The following ARHGAP42 variants were observed in gnomAD, a reference collection of about 807,000 sequenced individuals.
ARHGAP42 encodes Rho GTPase activating protein 42, also known as rho GTPase-activating protein 42.
A neutral mutation model predicts 125.0 loss-of-function variants in ARHGAP42; 63 were observed. The ratio of observed to expected loss-of-function variants is 0.50; its 90% CI spans 0.41 to 0.62. ARHGAP42 has a LOEUF of 0.62. Among genes scored for constraint, ARHGAP42 ranks in the 20% least tolerant of loss-of-function variants. ARHGAP42 has a pLI of 0.00. For missense variants in ARHGAP42, 766 were observed against 1,024.2 expected (o/e 0.75, Z 3.44); for synonymous variants, 339 against 351.0 (o/e 0.97, Z 0.38).
intron 4 of ARHGAP42, among the ~76,000 whole-genome samples, chr11:100,875,571 C>T (rs978152344): frequency 2.0e-5 from 3 of 152,080 alleles, no homozygotes; most frequent in Non-Finnish European, 2.9e-5. Flanking sequence ...CACTCTCGGC[C>T]GAGACGGGAA....
chr11:100,929,522 C>T (rs1867518418), intron 6 of ARHGAP42, among the ~76,000 whole-genome samples: 1 of 152,190 alleles, frequency 6.6e-6, no homozygotes, highest in Non-Finnish European at 1.5e-5. Context: ...CTTGACACTC[C>T]CACCAGTGAT....
chr11:100,789,792 T>TAGC (rs1371941437), intron 2 of ARHGAP42, among the ~76,000 whole-genome samples: 1 of 152,210 alleles, frequency 6.6e-6, no homozygotes, highest in African/African-American at 2.4e-5. Flanking sequence ...TAAAGTGATA[T>TAGC]AGCATGCTGT....
intron 3 of ARHGAP42, among the ~76,000 whole-genome samples, chr11:100,807,361 A>G (rs1591197052): frequency 6.6e-6 from 1 of 151,792 alleles, no homozygotes; most frequent in East Asian, 1.9e-4. Flanking sequence ...ATGTCTGGCC[A>G]ATTTTTGTAT....
At chr11:100,797,660 C>T (rs1863750682) in intron 3 of ARHGAP42, among the ~76,000 whole-genome samples, 2 of 152,008 alleles carry the variant, frequency 1.3e-5, no homozygotes, top group Admixed American at 1.3e-4. Flanking sequence ...TATACCTGGT[C>T]ACCCAAGAGC....
chr11:100,853,821 G>T lies in ARHGAP42; in HGVS notation c.313-5733G>T, dbSNP rs1297756923. The stretch of plus-strand genomic sequence containing the variant: ...GCTTGCCATTTTACCCCTATTAACT[G>T]CTCTTCTACAGTTAATAAGCTTTGA... On this transcript the variant is annotated intron_variant, in intron 3 of 23. Transcript: ENST00000298815. 1.3e-4 allele frequency among the ~76,000 whole-genome samples: 20 copies of T among 151,714 alleles called. 1 individual carries two copies.
At chr11:100,948,295 A>G (rs564797695) in intron 10 of ARHGAP42, among the ~76,000 whole-genome samples, 162 bp from the exon 11 acceptor site, 131 of 152,064 alleles carry the variant, frequency 8.6e-4, no homozygotes, top group African/African-American at 3.0e-3. Context: ...AAAGTATTAT[A>G]CTTCAGTCTT....
chr11:100,877,862 A>G (rs1218388545), intron 4 of ARHGAP42, among the ~76,000 whole-genome samples: 1 of 151,866 alleles, frequency 6.6e-6, no homozygotes, highest in African/African-American at 2.4e-5. Context: ...AAAATTAGCC[A>G]GACGTGGTGG....
chr11:100,854,742 G>A (rs1341557450), intron 3 of ARHGAP42, among the ~76,000 whole-genome samples: 2 of 152,044 alleles, frequency 1.3e-5, no homozygotes, highest in Non-Finnish European at 2.9e-5. Context: ...TGAACCCCAG[G>A]CTAGCACCCC....
At chr11:100,838,977 T>C (rs1864880041) in intron 3 of ARHGAP42, among the ~76,000 whole-genome samples, 1 of 152,196 alleles carries the variant, frequency 6.6e-6, no homozygotes. Context: ...AATGAAATTA[T>C]AACTTTTTTT....
At chr11:100,887,580 C>A (rs941231062) in intron 4 of ARHGAP42, among the ~76,000 whole-genome samples, 1 of 152,190 alleles carries the variant, frequency 6.6e-6, no homozygotes, top group Admixed American at 6.5e-5. Context: ...TTGAAGCATT[C>A]ATCTGACCAA....
chr11:100,976,582 A>G (rs142272854), intron 20 of ARHGAP42, 145 bp downstream of exon 20: 26 of 1,254,408 alleles, frequency 2.1e-5, no homozygotes, highest in Non-Finnish European at 2.6e-5. Context: ...GGATTTTACA[A>G]CCTAGGCACT....
intron 4 of ARHGAP42, among the ~76,000 whole-genome samples, chr11:100,864,810 C>T (rs181069459): frequency 7.9e-5 from 12 of 152,210 alleles, no homozygotes; most frequent in Non-Finnish European, 1.8e-4. Flanking sequence ...TTCAAATATG[C>T]CCAAACTTAC....
At chr11:100,771,466 A>G (rs1359242555) in intron 2 of ARHGAP42, among the ~76,000 whole-genome samples, 1 of 152,226 alleles carries the variant, frequency 6.6e-6, no homozygotes, top group Admixed American at 6.5e-5. Context: ...TGAAAAGAGT[A>G]TATAAAATAT....
At chr11:100,885,831 A>C (rs1271808427) in intron 4 of ARHGAP42, among the ~76,000 whole-genome samples, 1 of 152,208 alleles carries the variant, frequency 6.6e-6, no homozygotes, top group African/African-American at 2.4e-5. Context: ...CCAAAATGAA[A>C]TTATAAGTTA....
intron 1 of ARHGAP42, among the ~76,000 whole-genome samples, chr11:100,722,813 T>A (rs1270758279): frequency 3.3e-5 from 5 of 152,250 alleles, no homozygotes; most frequent in African/African-American, 4.8e-5. Context: ...AAGTGCAACT[T>A]ACCAGTTTTT....
intron 4 of ARHGAP42, among the ~76,000 whole-genome samples, chr11:100,868,299 A>G (rs1865620091): frequency 6.6e-6 from 1 of 152,200 alleles, no homozygotes; most frequent in African/African-American, 2.4e-5. Flanking sequence ...CCTTTGTTAT[A>G]ACTTCTGTTA....
intron 1 of ARHGAP42, among the ~76,000 whole-genome samples, chr11:100,750,333 A>G (rs765260906): frequency 3.3e-5 from 5 of 151,604 alleles, no homozygotes; most frequent in Non-Finnish European, 5.9e-5. Context: ...TCTTTCCCCT[A>G]TTGGCTAGGG....
intron 3 of ARHGAP42, among the ~76,000 whole-genome samples, chr11:100,803,044 G>A (rs1050297912): frequency 1.3e-5 from 2 of 152,124 alleles, no homozygotes; most frequent in South Asian, 2.1e-4. Context: ...AACAAATTAT[G>A]TCTGGTGGTG....
chr11:100,968,909 A>G (rs1484038581), intron 17 of ARHGAP42, among the ~76,000 whole-genome samples: 2 of 142,332 alleles, frequency 1.4e-5, no homozygotes, highest in Non-Finnish European at 3.0e-5. Context: ...TTTTAATTAC[A>G]TAATTACCTA....
Sources: allele counts gnomAD v4.1 joint callset (sites outside exome capture counted in the v4.1 genomes callset), GRCh38; gene constraint gnomAD v4.1.1; transcripts MANE v1.5; gene names NCBI Gene and HGNC (gene_info 2026-07-23, HGNC 2026-07-21).